SMCHD1: variants seen among roughly 807,000 people sequenced by gnomAD.
The protein encoded by SMCHD1 is structural maintenance of chromosomes flexible hinge domain-containing protein 1.
In SMCHD1, 78 loss-of-function variants were observed where a neutral mutation model predicts 254.7. The ratio of observed to expected loss-of-function variants is 0.31; its 90% CI spans 0.26 to 0.37. SMCHD1 has a LOEUF of 0.37. SMCHD1 is among the 10% of genes least tolerant of loss of function. The pLI, the probability that SMCHD1 is intolerant of heterozygous loss-of-function variation, is 1.00. For synonymous variants in SMCHD1, 766 were observed against 794.9 expected (o/e 0.96, Z 0.61); for missense variants, 1,840 against 2,408.1 (o/e 0.76, Z 4.94).
At chr18:2,673,935 A>G in intron 4 of SMCHD1, 80 bp from the exon 5 acceptor site, 1 of 1,403,368 alleles carries the variant, frequency 7.1e-7, no homozygotes, top group Non-Finnish European at 9.6e-7. Flanking sequence ...CTGTTGAATC[A>G]TTTTTTTCAT....
chr18:2,724,630 C>G (rs1164053747), intron 20 of SMCHD1, among the ~76,000 whole-genome samples: 4 of 152,036 alleles, frequency 2.6e-5, no homozygotes. Context: ...TGTATCTTTA[C>G]TAATTCAATA....
chr18:2,792,985 G>A (rs572518710), intron 45 of SMCHD1, among the ~76,000 whole-genome samples: 1 of 152,326 alleles, frequency 6.6e-6, no homozygotes, highest in South Asian at 2.1e-4. Flanking sequence ...GTTATTTGAA[G>A]CAAGTCAAAG....
intron 5 of SMCHD1, among the ~76,000 whole-genome samples, chr18:2,684,715 G>GTGTGTGTGTGTGTGTGTA (rs2074002125): frequency 6.6e-6 from 1 of 150,902 alleles, no homozygotes; most frequent in Non-Finnish European, 1.5e-5. Context: ...GTGTGTGTGT[G>GTGTGTGTGTGTGTGTGTA]TGTGTGTGTG....
chr18:2,707,559 A>G lies in SMCHD1; in HGVS notation c.2064-4A>G. On this transcript the variant is annotated splice_polypyrimidine_tract_variant and splice_region_variant and intron_variant, in intron 15 of 47. Transcript: ENST00000320876. ...GGAACATTAATATGCTGGTTTCATA[A>G]CAGGCTCCCTGATAGATTGTCAGTA... 6.3e-7 allele frequency: 1 copy of G among 1,586,360 alleles called. No homozygotes were observed. The highest frequency in any genetic ancestry group is 1.8e-5 in the Admixed American group (1 of 55,560).
intron 17 of SMCHD1, among the ~76,000 whole-genome samples, chr18:2,713,729 G>T (rs2074733603): frequency 2.0e-5 from 3 of 152,220 alleles, no homozygotes; most frequent in African/African-American, 7.2e-5. Flanking sequence ...TTTTATCATT[G>T]ACATAAAGAT....
At chr18:2,775,966 TTC>T in intron 42 of SMCHD1, 42 bp downstream of exon 42, 1 of 1,454,966 alleles carries the variant, frequency 6.9e-7, no homozygotes, top group Non-Finnish European at 9.2e-7. Context: ...GAAATATATT[TTC>T]TGTTTTTTAT....
chr18:2,762,260 C>T (rs2075799092), intron 36 of SMCHD1, 24 bp downstream of exon 36: 1 of 1,608,458 alleles, frequency 6.2e-7, no homozygotes, highest in Admixed American at 1.7e-5. Context: ...TCTTCCAAAA[C>T]TGCGAAGGGT....
At chr18:2,716,206 G>A (rs1412202977) in intron 17 of SMCHD1, among the ~76,000 whole-genome samples, 3 of 152,182 alleles carry the variant, frequency 2.0e-5, no homozygotes, top group African/African-American at 4.8e-5. Flanking sequence ...CTCCAGTGCT[G>A]GCTGTTGTAG....
chr18:2,672,690 C>G (rs1274977387), intron 3 of SMCHD1, among the ~76,000 whole-genome samples: 1 of 152,116 alleles, frequency 6.6e-6, no homozygotes, highest in East Asian at 1.9e-4. Context: ...AATGTTGAGC[C>G]AGTGATAAAT....
At chr18:2,732,784 T>C (rs1365146213) in intron 25 of SMCHD1, among the ~76,000 whole-genome samples, 1 of 152,206 alleles carries the variant, frequency 6.6e-6, no homozygotes, top group Non-Finnish European at 1.5e-5. Flanking sequence ...TCTGCAATCA[T>C]AATCAACATC....
intron 3 of SMCHD1, chr18:2,673,001 G>T (rs1203152351): frequency 1.2e-6 from 1 of 868,180 alleles, no homozygotes; most frequent in Non-Finnish European, 1.4e-6. Flanking sequence ...CTTAATGTCT[G>T]TATGTCTGTC....
intron 32 of SMCHD1, among the ~76,000 whole-genome samples, 170 bp downstream of exon 32, chr18:2,750,677 G>A (rs1191745717): frequency 6.6e-6 from 1 of 151,994 alleles, no homozygotes; most frequent in Non-Finnish European, 1.5e-5. Flanking sequence ...ATTAGTTTTT[G>A]TTTTACACAA....
chr18:2,706,277 C>G, intron 14 of SMCHD1, 87 bp from the exon 15 acceptor site: 1 of 843,078 alleles, frequency 1.2e-6, no homozygotes, highest in Non-Finnish European at 1.8e-6. Context: ...AAATATATTT[C>G]TTTGGAAGAA....
chr18:2,713,939 A>G (rs918532174), intron 17 of SMCHD1, among the ~76,000 whole-genome samples: 1 of 152,224 alleles, frequency 6.6e-6, no homozygotes, highest in Admixed American at 6.5e-5. Flanking sequence ...AGAAGAATGT[A>G]TATTCCGCAG....
intron 19 of SMCHD1, among the ~76,000 whole-genome samples, chr18:2,721,085 C>A (rs2074916449): frequency 6.6e-6 from 1 of 152,180 alleles, no homozygotes; most frequent in Non-Finnish European, 1.5e-5. Flanking sequence ...AGCCAACCTT[C>A]TTGTTTTATT....
intron 5 of SMCHD1, among the ~76,000 whole-genome samples, chr18:2,684,700 A>AGT (rs71365193): frequency 0.034 from 3,950 of 115,576 alleles, 143 homozygotes; most frequent in African/African-American, 0.096. Context: ...TTGCAGATTC[A>AGT]GTGTGTGTGT....
chr18:2,798,940 C>T (rs1598463706), intron 47 of SMCHD1, among the ~76,000 whole-genome samples: 1 of 152,300 alleles, frequency 6.6e-6, no homozygotes, highest in East Asian at 1.9e-4. Context: ...CTTCCAGTTA[C>T]TACAGCGCTA....
intron 28 of SMCHD1, among the ~76,000 whole-genome samples, chr18:2,742,545 T>A (rs1297268052): frequency 6.6e-6 from 1 of 152,224 alleles, no homozygotes; most frequent in Non-Finnish European, 1.5e-5. Context: ...TATTGAAAAA[T>A]TCTTCTGTGC....
chr18:2,700,551 A>C lies in SMCHD1; in HGVS notation c.1355A>C (p.Glu452Ala). 1 of 1,606,582 alleles carries C rather than the reference A, an allele frequency of 6.2e-7. No individual in the cohort carries two copies. The highest frequency in any genetic ancestry group is 2.2e-5 in the East Asian group (1 of 44,762). ...DPCFPSKLKD[E>A]DDEDDCFILE... is the part of the protein sequence containing the mutation. Reference sequence around the variant, plus strand: ...CCTTTTGATCTAGAATTAAAAGATGAAGATGATGAAGATGATTGTTTCATA... The same window carrying C: ...CCTTTTGATCTAGAATTAAAAGATGCAGATGATGAAGATGATTGTTTCATA... The change falls in exon 11 of 48, where the codon GAA becomes GCA. Residue 452 changes from glutamate (E) to alanine (A), a missense_variant. Transcript: ENST00000320876.
Sources: allele counts gnomAD v4.1 joint callset (sites outside exome capture counted in the v4.1 genomes callset), GRCh38; gene constraint gnomAD v4.1.1; transcripts MANE v1.5; gene names NCBI Gene and HGNC (gene_info 2026-07-23, HGNC 2026-07-21).